Variants in SNTG2 observed in about 807,000 individuals in gnomAD.
SNTG2 encodes the protein gamma-2-syntrophin.
SNTG2 carries 74 observed loss-of-function variants against 70.9 expected under a neutral mutation model. The ratio of observed to expected loss-of-function variants is 1.04; its 90% CI spans 0.86 to 1.27. The LOEUF (loss-of-function observed/expected upper bound fraction) is 1.27. SNTG2 is among the 50% of genes most tolerant of loss of function. The pLI is 0.00. For missense variants in SNTG2, 717 were observed against 690.7 expected, an observed-to-expected ratio of 1.04 and a Z score of -0.43; for synonymous variants, 278 against 273.8, an observed-to-expected ratio of 1.02 and a Z score of -0.15.
chr2:952,892 T>TA (rs1425322499), intron 1 of SNTG2, among the ~76,000 whole-genome samples: 1 of 152,238 alleles, frequency 6.6e-6, no homozygotes, highest in Non-Finnish European at 1.5e-5. Flanking sequence ...ATGTCATCCT[T>TA]ACTTAATGGC....
chr2:1,289,347 G>T lies in SNTG2; in HGVS notation c.1285-19147G>T, dbSNP rs142825060. 4.4e-4 allele frequency among the ~76,000 whole-genome samples: 67 copies of T among 151,984 alleles called. No individual in the cohort carries two copies. In the East Asian group the frequency reaches 0.012, roughly 26 times the overall value. ...TCTTTCCTGGGGCACTGGGTGCTGC[G>T]TGCACTCAGCAGGAGCCTGCTCAGT... is the stretch of plus-strand genomic sequence containing the variant. On this transcript the variant is annotated intron_variant, in intron 14 of 16. Coordinates refer to ENST00000308624, the MANE Select transcript of SNTG2 (RefSeq NM_018968.4).
chr2:1,021,973 C>G (rs1340607981), intron 1 of SNTG2, among the ~76,000 whole-genome samples: 1 of 137,926 alleles, frequency 7.3e-6, no homozygotes, highest in Non-Finnish European at 1.5e-5. Flanking sequence ...ACATAAGCTC[C>G]TAATAATCCT....
At chr2:1,050,021 A>G (rs4971330) in intron 1 of SNTG2, among the ~76,000 whole-genome samples, 128,211 of 152,158 alleles carry the variant, frequency 0.84, 54,418 homozygotes, top group Middle Eastern at 0.89. Flanking sequence ...GCCTACTTGG[A>G]TCCTTGCCAG....
intron 1 of SNTG2, among the ~76,000 whole-genome samples, chr2:1,004,891 T>A (rs1659518988): frequency 6.6e-6 from 1 of 152,244 alleles, no homozygotes; most frequent in African/African-American, 2.4e-5. Context: ...ATTTATTTGT[T>A]TATTTTATAA....
chr2:1,246,057 A>G lies in SNTG2; in HGVS notation c.889-1270A>G, dbSNP rs191187260. Among the ~76,000 whole-genome samples, 19 of 152,324 alleles carry G rather than the reference A, an allele frequency of 1.2e-4. No individual in the cohort carries two copies. The East Asian group carries it at 3.5e-3, about 28-fold the overall frequency. ...CTGAGCCTCCATGGGACGTAAGTAT[A>G]ACCCACTAGGAACTTGGAAGTTCAT... is the stretch of plus-strand genomic sequence containing the variant. On this transcript the variant is annotated intron_variant, in intron 11 of 16. Transcript: ENST00000308624.
intron 1 of SNTG2, among the ~76,000 whole-genome samples, chr2:1,052,892 G>A (rs1198242619): frequency 6.6e-6 from 1 of 152,196 alleles, no homozygotes; most frequent in Non-Finnish European, 1.5e-5. Flanking sequence ...CACAGGTTTT[G>A]AAAGTCGTAA....
At chr2:1,194,534 TAC>T (rs1672789216) in intron 8 of SNTG2, among the ~76,000 whole-genome samples, 1 of 152,306 alleles carries the variant, frequency 6.6e-6, no homozygotes, top group Admixed American at 6.5e-5. Context: ...GCCAATATTT[TAC>T]AGTTTTGGCC....
Position 1,030,254 on chromosome 2 carries a change from G to T in SNTG2, c.73-53264G>T, listed in dbSNP as rs75873104. On this transcript the variant is annotated intron_variant, in intron 1 of 16. Coordinates refer to ENST00000308624, the MANE Select transcript of SNTG2 (RefSeq NM_018968.4). ...GTGCAGTCATGCCGCCTTCCACTGT[G>T]CCTGGTGCAGTGCGTGTGTTAGAGA... 2.3e-3 allele frequency among the ~76,000 whole-genome samples: 343 copies of T among 152,304 alleles called. 4 individuals carry two copies. Among genetic ancestry groups the T allele is most frequent in the African/African-American group, 7.9e-3 (330 of 41,560 alleles).
chr2:1,165,726 T>G, intron 7 of SNTG2, 91 bp downstream of exon 7: 2 of 1,099,908 alleles, frequency 1.8e-6, no homozygotes, highest in Non-Finnish European at 2.7e-6. Context: ...GACTGGGATA[T>G]TAATCATTTG....
chr2:1,145,223 T>C (rs1669020762), intron 6 of SNTG2, among the ~76,000 whole-genome samples: 3 of 151,606 alleles, frequency 2.0e-5, no homozygotes. Context: ...CCAATGTAAG[T>C]AGAGGAAAAT....
intron 1 of SNTG2, among the ~76,000 whole-genome samples, chr2:974,806 G>T (rs772671684): frequency 4.6e-5 from 7 of 151,916 alleles, no homozygotes; most frequent in Non-Finnish European, 8.8e-5. Flanking sequence ...AGTTCTGGTG[G>T]GTTCAAGTTA....
chr2:1,364,032 A>T (rs1157633393), intron 16 of SNTG2, among the ~76,000 whole-genome samples: 1 of 152,118 alleles, frequency 6.6e-6, no homozygotes, highest in Non-Finnish European at 1.5e-5. Flanking sequence ...GTGCAATGGC[A>T]CAATCTCGGC....
At chr2:1,300,200 T>G (rs961471953) in intron 14 of SNTG2, among the ~76,000 whole-genome samples, 1 of 152,098 alleles carries the variant, frequency 6.6e-6, no homozygotes, top group African/African-American at 2.4e-5. Flanking sequence ...ATGAGGGCAC[T>G]GTTACCATCA....
intron 15 of SNTG2, among the ~76,000 whole-genome samples, chr2:1,315,671 A>C (rs1681241356): frequency 6.6e-6 from 1 of 152,152 alleles, no homozygotes. Flanking sequence ...AGCAAACATT[A>C]AGTGATTTTT....
chr2:1,277,998 G>T lies in SNTG2; in HGVS notation c.1284+10427G>T, dbSNP rs888288613. Among the ~76,000 whole-genome samples the T allele has an allele frequency of 2.6e-5, 4 of 152,308 alleles. No homozygotes were observed. In the East Asian group the frequency reaches 7.7e-4, roughly 29 times the overall value. On this transcript the variant is annotated intron_variant, in intron 14 of 16. Transcript: ENST00000308624. ...TGAGTAGCATTCTCTCTGACACTTC[G>T]TGGCAAGTATTAACTTCACCACATT...
intron 16 of SNTG2, among the ~76,000 whole-genome samples, chr2:1,349,656 CT>C (rs1660477704): frequency 1.3e-5 from 2 of 152,360 alleles, no homozygotes; most frequent in South Asian, 4.1e-4. Flanking sequence ...ACTTATGCTA[CT>C]TTTCTCACCT....
intron 1 of SNTG2, among the ~76,000 whole-genome samples, chr2:974,367 C>T (rs1053977710): frequency 1.3e-5 from 2 of 152,222 alleles, no homozygotes; most frequent in Admixed American, 1.3e-4. Context: ...TGTTCCCCCA[C>T]AGGAAGCTGC....
chr2:993,627 G>T (rs2147980278), intron 1 of SNTG2, among the ~76,000 whole-genome samples: 1 of 152,124 alleles, frequency 6.6e-6, no homozygotes, highest in South Asian at 2.1e-4. Flanking sequence ...CAAGAAAATT[G>T]TACCACTTGA....
At chr2:1,359,234 A>G (rs1275924012) in intron 16 of SNTG2, among the ~76,000 whole-genome samples, 2 of 152,154 alleles carry the variant, frequency 1.3e-5, no homozygotes, top group Non-Finnish European at 2.9e-5. Flanking sequence ...TGTTCACCGA[A>G]CTATCAGAAA....
Sources: allele counts gnomAD v4.1 joint callset (sites outside exome capture counted in the v4.1 genomes callset), GRCh38; gene constraint gnomAD v4.1.1; transcripts MANE v1.5; gene names NCBI Gene and HGNC (gene_info 2026-07-23, HGNC 2026-07-21).